The following GOLPH3L variants were observed in gnomAD, a reference collection of about 807,000 sequenced individuals.
GOLPH3L encodes golgi phosphoprotein 3 like, also known as Golgi phosphoprotein 3-like.
GOLPH3L carries 22 observed loss-of-function variants against 30.3 expected under a neutral mutation model. The ratio of observed to expected loss-of-function variants is 0.73; its 90% CI spans 0.52 to 1.04. The LOEUF (loss-of-function observed/expected upper bound fraction) is 1.04. Among genes scored for constraint, GOLPH3L ranks in the 50% least tolerant of loss-of-function variants. The pLI is 0.00. For missense variants in GOLPH3L, 303 were observed against 345.8 expected (o/e 0.88, Z 0.98); for synonymous variants, 120 against 128.2 (o/e 0.94, Z 0.43).
At chr1:150,684,549 A>G (rs587652707) in intron 2 of GOLPH3L, among the ~76,000 whole-genome samples, 1 of 152,300 alleles carries the variant, frequency 6.6e-6, no homozygotes, top group East Asian at 1.9e-4. Context: ...TCTTTTTAGT[A>G]TAATAGTGTC....
intron 2 of GOLPH3L, among the ~76,000 whole-genome samples, chr1:150,674,386 G>A (rs1016853397): frequency 6.6e-6 from 1 of 151,516 alleles, no homozygotes; most frequent in African/African-American, 2.4e-5. Context: ...TCGGCCTCCC[G>A]AGTAGCTGGG....
intron 1 of GOLPH3L, among the ~76,000 whole-genome samples, chr1:150,695,538 C>G (rs773735118): frequency 5.9e-5 from 9 of 152,040 alleles, no homozygotes; most frequent in Non-Finnish European, 7.4e-5. Context: ...TAAGATGGAA[C>G]AACAAAAAAT....
chr1:150,670,457 C>T (rs1411889776), intron 2 of GOLPH3L, among the ~76,000 whole-genome samples: 9 of 151,366 alleles, frequency 5.9e-5, no homozygotes, highest in East Asian at 5.9e-4. Context: ...ATTAGCCGGG[C>T]GTGGTGGCGG....
chr1:150,654,293 G>A (rs1028798155), intron 4 of GOLPH3L, among the ~76,000 whole-genome samples: 6 of 151,390 alleles, frequency 4.0e-5, no homozygotes, highest in Non-Finnish European at 5.9e-5. Context: ...AGTCACTTGA[G>A]GTCAGGAGTT....
intron 2 of GOLPH3L, among the ~76,000 whole-genome samples, chr1:150,681,775 A>T (rs1174927824): frequency 6.6e-6 from 1 of 152,176 alleles, no homozygotes; most frequent in Non-Finnish European, 1.5e-5. Flanking sequence ...TTTGGTAATT[A>T]TGCATCTGTG....
chr1:150,669,681 G>T (rs1042130890), intron 2 of GOLPH3L, among the ~76,000 whole-genome samples: 1 of 152,208 alleles, frequency 6.6e-6, no homozygotes, highest in Non-Finnish European at 1.5e-5. Flanking sequence ...ACATCTGTAG[G>T]CCGGGCGCGG....
At chr1:150,653,294 T>A (rs587730257) in intron 4 of GOLPH3L, among the ~76,000 whole-genome samples, 112 of 131,686 alleles carry the variant, frequency 8.5e-4, no homozygotes, top group African/African-American at 2.2e-3. Flanking sequence ...ATCTTTTTTT[T>A]TTTATTTTTT....
At chr1:150,661,228 G>A (rs942742700) in intron 4 of GOLPH3L, among the ~76,000 whole-genome samples, 10 of 151,940 alleles carry the variant, frequency 6.6e-5, no homozygotes, top group Non-Finnish European at 1.0e-4. Context: ...ACTCCATCTC[G>A]AAATAATAAT....
At chr1:150,693,515 G>T (rs778644595) in intron 2 of GOLPH3L, among the ~76,000 whole-genome samples, 1 of 151,960 alleles carries the variant, frequency 6.6e-6, no homozygotes, top group African/African-American at 2.4e-5. Flanking sequence ...GGCTTTCCTG[G>T]AAAGAAAGCA....
At chr1:150,656,718 T>A (rs1158451304) in intron 4 of GOLPH3L, among the ~76,000 whole-genome samples, 3 of 152,198 alleles carry the variant, frequency 2.0e-5, no homozygotes, top group African/African-American at 7.2e-5. Flanking sequence ...AACTATAGGA[T>A]ATGATCCTGA....
At chr1:150,696,908 C>T (rs1448542988) in intron 1 of GOLPH3L, 84 bp downstream of exon 1, 2 of 152,030 alleles carry the variant, frequency 1.3e-5, no homozygotes, top group Non-Finnish European at 2.9e-5. Flanking sequence ...CCTTTCCCTC[C>T]CATAAAATAA....
At chr1:150,666,169 T>C (rs939781951) in intron 2 of GOLPH3L, among the ~76,000 whole-genome samples, 1 of 152,194 alleles carries the variant, frequency 6.6e-6, no homozygotes, top group South Asian at 2.1e-4. Context: ...TTCCCATAAC[T>C]GTGGTTTCAT....
chr1:150,654,265 GGGA>G (rs1230646413), intron 4 of GOLPH3L, among the ~76,000 whole-genome samples: 1 of 151,704 alleles, frequency 6.6e-6, no homozygotes, highest in Non-Finnish European at 1.5e-5. Context: ...CCAGCACTTT[GGGA>G]GGCCAAGGTG....
intron 4 of GOLPH3L, among the ~76,000 whole-genome samples, chr1:150,660,396 A>G (rs1650341063): frequency 6.6e-6 from 1 of 152,222 alleles, no homozygotes; most frequent in South Asian, 2.1e-4. Context: ...GGTTAAACAT[A>G]AAACTGCTAT....
At chr1:150,692,165 T>A (rs1651228832) in intron 2 of GOLPH3L, among the ~76,000 whole-genome samples, 1 of 152,106 alleles carries the variant, frequency 6.6e-6, no homozygotes, top group Non-Finnish European at 1.5e-5. Context: ...AAGAAAAAAA[T>A]AAGTACAGTT....
At chr1:150,694,479 A>G (rs943155329) in intron 2 of GOLPH3L, 177 bp downstream of exon 2, 6 of 502,168 alleles carry the variant, frequency 1.2e-5, no homozygotes, top group African/African-American at 2.0e-5. Flanking sequence ...ACGTAATTCT[A>G]CTTCTGGATT....
intron 4 of GOLPH3L, among the ~76,000 whole-genome samples, chr1:150,654,929 TGATTCA>T (rs1165030969): frequency 3.9e-5 from 6 of 152,196 alleles, no homozygotes; most frequent in African/African-American, 1.4e-4. Context: ...CAGGAGTCCT[TGATTCA>T]GATTACAGTG....
At chr1:150,679,802 A>T (rs1650908204) in intron 2 of GOLPH3L, among the ~76,000 whole-genome samples, 1 of 152,120 alleles carries the variant, frequency 6.6e-6, no homozygotes, top group South Asian at 2.1e-4. Context: ...CTGTTACCAA[A>T]AATAATAATA....
At chr1:150,651,912 T>A (rs1650113374) in intron 4 of GOLPH3L, among the ~76,000 whole-genome samples, 1 of 152,098 alleles carries the variant, frequency 6.6e-6, no homozygotes, top group South Asian at 2.1e-4. Context: ...AAGAAAGTAA[T>A]GGCTAAAATC....
Sources: gnomAD v4.1 joint callset for allele counts (sites outside exome capture counted in the v4.1 genomes callset) on GRCh38, gnomAD v4.1.1 for gene constraint, MANE v1.5 for transcripts, NCBI Gene and HGNC (gene_info 2026-07-23, HGNC 2026-07-21) for gene names.